The following ARFGEF3 variants were observed in gnomAD, a reference collection of about 807,000 sequenced individuals.
ARFGEF3 encodes brefeldin A-inhibited guanine nucleotide-exchange protein 3.
A neutral mutation model predicts 221.7 loss-of-function variants in ARFGEF3; 96 were observed. The ratio of observed to expected loss-of-function variants is 0.43; its 90% CI spans 0.37 to 0.51. The LOEUF (loss-of-function observed/expected upper bound fraction) is 0.51, where lower values mean the gene tolerates loss of function less well. Ranked by LOEUF, ARFGEF3 falls within the 20% of genes least tolerant of loss-of-function variation. ARFGEF3 has a pLI of 0.00. For missense variants in ARFGEF3, 2,410 were observed against 2,789.9 expected, an observed-to-expected ratio of 0.86 and a Z score of 3.07; for synonymous variants, 1,145 against 1,126.8, an observed-to-expected ratio of 1.02 and a Z score of -0.32.
At chr6:138,258,585 A>G (rs1303293867) in intron 10 of ARFGEF3, among the ~76,000 whole-genome samples, 1 of 152,180 alleles carries the variant, frequency 6.6e-6, no homozygotes, top group Non-Finnish European at 1.5e-5. Context: ...CCATTTAACA[A>G]TTGATTATAC....
At chr6:138,242,665 C>T (rs1026525241) in intron 6 of ARFGEF3, among the ~76,000 whole-genome samples, 2 of 152,198 alleles carry the variant, frequency 1.3e-5, no homozygotes, top group Non-Finnish European at 2.9e-5. Context: ...AAGTGCACCA[C>T]AGGGTTTAAA....
At chr6:138,332,093 A>G (rs184191286) in intron 32 of ARFGEF3, among the ~76,000 whole-genome samples, 1 of 152,050 alleles carries the variant, frequency 6.6e-6, no homozygotes, top group African/African-American at 2.4e-5. Context: ...ATGGCTTTCC[A>G]TTTCTCAGGG....
chr6:138,307,028 TAAG>T (rs1256989571), intron 22 of ARFGEF3, among the ~76,000 whole-genome samples: 1 of 149,694 alleles, frequency 6.7e-6, no homozygotes, highest in Non-Finnish European at 1.5e-5. Context: ...ATTTGGCTAA[TAAG>T]ATGTGAAAAG....
At position 138,285,051 on chromosome 6, in the gene ARFGEF3, G is replaced by A. The variant is rs553696475; in HGVS notation, c.2462-895G>A. 7.9e-5 allele frequency among the ~76,000 whole-genome samples: 12 copies of A among 152,298 alleles called. No homozygotes were observed. The South Asian group carries it at 1.9e-3, about 24-fold the overall frequency. On this transcript the variant is annotated intron_variant, in intron 14 of 33. Transcript: ENST00000251691. ...TCATGGTTGACCAAAACATCATTTT[G>A]TGGTGCAGGACTCTGTCTCTTCCTC...
intron 31 of ARFGEF3, among the ~76,000 whole-genome samples, chr6:138,327,525 G>A (rs1393922698): frequency 6.6e-6 from 1 of 152,078 alleles, no homozygotes; most frequent in Admixed American, 6.5e-5. Context: ...AAATCATTTG[G>A]GTCAGAGATC....
chr6:138,262,921 C>T lies in ARFGEF3; in HGVS notation c.1438C>T (p.Arg480Cys), dbSNP rs377283472. The T allele has an allele frequency of 5.6e-6, 9 of 1,608,716 alleles. No homozygotes were observed. The highest frequency in any genetic ancestry group is 5.3e-5 in the African/African-American group (4 of 74,842). Residue 480 changes from arginine to cysteine, a missense_variant, in exon 12 of 34, where the codon CGC becomes TGC. By Grantham distance (180) the Arg-to-Cys change is radical (BLOSUM62 -3). Around this residue, in one of 5 missense-constraint regions of ARFGEF3, gnomAD observed 594 missense variants for 734.3 expected, o/e 0.81. Transcript: ENST00000251691. ...DSMEINEADF[R>C]WQRRVLSSEH... is the part of the protein sequence containing the mutation. ...CATGGAGATCAATGAGGCTGACTTC[C>T]GCTGGCAGCGGCGAGTGCTGTCCTC... is the stretch of plus-strand genomic sequence containing the variant.
intron 4 of ARFGEF3, 128 bp from the exon 5 acceptor site, chr6:138,229,656 G>A: frequency 2.8e-6 from 2 of 710,366 alleles, no homozygotes; most frequent in South Asian, 3.4e-5. Context: ...GGGATATAAA[G>A]AAATATTAGG....
Position 138,191,455 on chromosome 6 carries a change from A to C in ARFGEF3, c.138-15587A>C, listed in dbSNP as rs571524519. 2.6e-5 allele frequency among the ~76,000 whole-genome samples: 4 copies of C among 152,306 alleles called. No homozygotes were observed. The East Asian group carries it at 7.7e-4, about 29-fold the overall frequency. ...CCTTCCTTCTGGCATCTTCCTGAGC[A>C]TCACAGCCTCTTCTGGCTACTACTT... is the stretch of plus-strand genomic sequence containing the variant. On this transcript the variant is annotated intron_variant, in intron 2 of 33. Transcript: ENST00000251691.
chr6:138,286,463 A>G (rs969614092), intron 15 of ARFGEF3, among the ~76,000 whole-genome samples: 2 of 152,030 alleles, frequency 1.3e-5, no homozygotes, highest in African/African-American at 4.8e-5. Context: ...AAAAAAAAAA[A>G]AAAGAAAAAG....
At chr6:138,274,065 TCTG>T (rs1779051267) in intron 12 of ARFGEF3, among the ~76,000 whole-genome samples, 1 of 152,226 alleles carries the variant, frequency 6.6e-6, no homozygotes, top group Non-Finnish European at 1.5e-5. Flanking sequence ...TCCTCACTTC[TCTG>T]CTGATTTTGA....
intron 4 of ARFGEF3, among the ~76,000 whole-genome samples, chr6:138,212,668 C>T (rs1208573499): frequency 1.3e-5 from 2 of 152,152 alleles, no homozygotes; most frequent in African/African-American, 4.8e-5. Flanking sequence ...AAATATGGCA[C>T]ATATACACTA....
At position 138,257,682 on chromosome 6, in the gene ARFGEF3, C is replaced by G. The variant is rs565966168; in HGVS notation, c.1104+1913C>G. On this transcript the variant is annotated intron_variant, in intron 10 of 33. Transcript: ENST00000251691. ...TCTCACATTGCAGCGCAAATGACCC[C>G]CAGCAGCCCCTTTTTCTTGGTGTTG... 5.3e-5 allele frequency among the ~76,000 whole-genome samples: 8 copies of G among 152,300 alleles called. No homozygotes were observed. In the East Asian group the frequency reaches 1.4e-3, roughly 26 times the overall value.
At chr6:138,336,176 C>CTAATT in intron 33 of ARFGEF3, 119 bp from the exon 34 acceptor site, 1 of 702,314 alleles carries the variant, frequency 1.4e-6, no homozygotes, top group Middle Eastern at 2.5e-4. Flanking sequence ...TGAGTGAAAA[C>CTAATT]TAATTTATTG....
At chr6:138,270,427 G>GACACACACACAC (rs3044804) in intron 12 of ARFGEF3, among the ~76,000 whole-genome samples, 14,792 of 139,138 alleles carry the variant, frequency 0.11, 1,036 homozygotes, top group Middle Eastern at 0.17. Context: ...ATTTTACGTA[G>GACACACACACAC]ACACACACAC....
At chr6:138,321,447 CAA>C (rs1780025844) in intron 29 of ARFGEF3, among the ~76,000 whole-genome samples, 1 of 152,130 alleles carries the variant, frequency 6.6e-6, no homozygotes, top group Non-Finnish European at 1.5e-5. Context: ...TTCAGTTTCT[CAA>C]AGACATACAG....
At chr6:138,253,786 C>T (rs1017558670) in intron 8 of ARFGEF3, 94 bp from the exon 9 acceptor site, 77 of 957,692 alleles carry the variant, frequency 8.0e-5, no homozygotes, top group African/African-American at 1.1e-4. Context: ...ACTTTAGTAA[C>T]GCCTACCATT....
chr6:138,162,218 G>T lies in ARFGEF3; in HGVS notation c.85+47G>T. The T allele has an allele frequency of 6.8e-7, 1 of 1,471,944 alleles. No homozygotes were observed. The highest frequency in any genetic ancestry group is 1.2e-5 in the South Asian group (1 of 83,918). The allele number at this position is 1,471,944 out of a possible 1,614,324, so 91.2% of individuals were successfully genotyped here. On this transcript the variant is annotated intron_variant, in intron 1 of 33. Coordinates refer to ENST00000251691, the MANE Select transcript of ARFGEF3 (RefSeq NM_020340.5). The surrounding 1 kb of genome is among the most constrained non-coding windows in gnomAD (Gnocchi z 4.7). Reference sequence around the variant, plus strand: ...GCCGCGGCGGGAGGGCCGCGCGGCCGGGGCTGAACCCGCGCCTCCGCGCGT... The same window carrying T: ...GCCGCGGCGGGAGGGCCGCGCGGCCTGGGCTGAACCCGCGCCTCCGCGCGT...
intron 2 of ARFGEF3, among the ~76,000 whole-genome samples, chr6:138,197,401 T>C (rs1364749468): frequency 6.6e-6 from 1 of 152,202 alleles, no homozygotes; most frequent in Non-Finnish European, 1.5e-5. Flanking sequence ...AGGAGTATGC[T>C]CTAAAATAAT....
At chr6:138,323,484 G>T (rs1780070905) in intron 29 of ARFGEF3, among the ~76,000 whole-genome samples, 187 bp from the exon 30 acceptor site, 1 of 152,132 alleles carries the variant, frequency 6.6e-6, no homozygotes, top group Non-Finnish European at 1.5e-5. Flanking sequence ...GGAGGCGCAT[G>T]CCTGTAATCC....
Sources: allele counts gnomAD v4.1 joint callset (sites outside exome capture counted in the v4.1 genomes callset), GRCh38; gene constraint gnomAD v4.1.1; regional missense constraint gnomAD v4.1.1; non-coding constraint Gnocchi (gnomAD v3.1); transcripts MANE v1.5; gene names NCBI Gene and HGNC (gene_info 2026-07-23, HGNC 2026-07-21).